DNAH7: variants seen among roughly 807,000 people sequenced by gnomAD.
DNAH7 encodes the protein dynein axonemal heavy chain 7, also known as axonemal beta dynein heavy chain 7.
Under a neutral mutation model 444.6 loss-of-function variants are expected in DNAH7, and 397 were observed. That is an observed-to-expected ratio of 0.89 (90% CI 0.82 to 0.97). The LOEUF (loss-of-function observed/expected upper bound fraction) is 0.97. Among genes scored for constraint, DNAH7 ranks in the 50% least tolerant of loss-of-function variants. The pLI, the probability that DNAH7 is intolerant of heterozygous loss-of-function variation, is 0.00. For synonymous variants in DNAH7, 1,636 were observed against 1,624.4 expected (o/e 1.01, Z -0.17); for missense variants, 4,902 against 4,800.8 (o/e 1.02, Z -0.62).
chr2:195,959,192 A>G (rs1690906153), intron 18 of DNAH7, among the ~76,000 whole-genome samples: 1 of 152,196 alleles, frequency 6.6e-6, no homozygotes, highest in African/African-American at 2.4e-5. Context: ...AAACAAAGAA[A>G]TGTTAATGAG....
intron 27 of DNAH7, chr2:195,901,289 A>G (rs1294787921): frequency 2.0e-5 from 3 of 152,170 alleles, no homozygotes; most frequent in Non-Finnish European, 2.9e-5. Flanking sequence ...ATGTTTGTCA[A>G]TCATACTTCA....
intron 58 of DNAH7, among the ~76,000 whole-genome samples, chr2:195,785,064 A>G (rs1695551596): frequency 6.6e-6 from 1 of 152,044 alleles, no homozygotes; most frequent in Non-Finnish European, 1.5e-5. Context: ...GGCTTCTGCC[A>G]TCACGCCCGG....
At chr2:196,001,438 C>T (rs1694029439) in intron 11 of DNAH7, among the ~76,000 whole-genome samples, 2 of 151,494 alleles carry the variant, frequency 1.3e-5, no homozygotes, top group African/African-American at 4.9e-5. Flanking sequence ...AATCTTGGCT[C>T]GCTGCAGCCT....
chr2:195,746,310 T>C (rs1188002144), intron 63 of DNAH7, among the ~76,000 whole-genome samples: 3 of 152,084 alleles, frequency 2.0e-5, no homozygotes, highest in Admixed American at 1.3e-4. Flanking sequence ...ATCCTAAATA[T>C]ATATGCACCC....
intron 63 of DNAH7, among the ~76,000 whole-genome samples, chr2:195,753,994 C>G (rs1693941150): frequency 6.6e-6 from 1 of 152,186 alleles, no homozygotes; most frequent in African/African-American, 2.4e-5. Flanking sequence ...ATCCTATATG[C>G]TGTTAATTTG....
intron 1 of DNAH7, among the ~76,000 whole-genome samples, chr2:196,060,592 T>C (rs1446231862): frequency 6.6e-6 from 1 of 152,204 alleles, no homozygotes; most frequent in Non-Finnish European, 1.5e-5. Context: ...TCCCTATTAT[T>C]TTCACTAGTA....
chr2:196,007,414 T>G (rs1694443243), intron 10 of DNAH7, among the ~76,000 whole-genome samples: 1 of 152,190 alleles, frequency 6.6e-6, no homozygotes, highest in South Asian at 2.1e-4. Context: ...ATGTATAAGT[T>G]AAAATGAATT....
intron 54 of DNAH7, among the ~76,000 whole-genome samples, chr2:195,802,145 C>A (rs1696491873): frequency 6.6e-6 from 1 of 152,136 alleles, no homozygotes; most frequent in Admixed American, 6.5e-5. Context: ...AATTAATTCA[C>A]CTACACATAA....
At chr2:195,909,753 C>T (rs1687246504) in intron 25 of DNAH7, among the ~76,000 whole-genome samples, 1 of 152,156 alleles carries the variant, frequency 6.6e-6, no homozygotes, top group Non-Finnish European at 1.5e-5. Context: ...CGTTCTCAAA[C>T]TCTTATCTGC....
chr2:195,756,312 A>C (rs372890943), intron 61 of DNAH7, 27 bp from the exon 62 acceptor site: 7 of 1,572,538 alleles, frequency 4.5e-6, no homozygotes, highest in Non-Finnish European at 6.1e-6. Flanking sequence ...CTTGGTTAAT[A>C]TAATAGTATA....
intron 47 of DNAH7, among the ~76,000 whole-genome samples, chr2:195,842,636 T>A (rs751095760): frequency 2.0e-5 from 3 of 152,166 alleles, no homozygotes; most frequent in Non-Finnish European, 4.4e-5. Flanking sequence ...AACTTTCTGC[T>A]AATATTTCAA....
chr2:196,017,126 G>C (rs148286487), intron 9 of DNAH7, among the ~76,000 whole-genome samples: 2,304 of 151,678 alleles, frequency 0.015, 54 homozygotes, highest in African/African-American at 0.052. Context: ...GTTATTTTCC[G>C]GCCTCAGCCT....
chr2:195,928,736 T>C (rs908262841), intron 21 of DNAH7, among the ~76,000 whole-genome samples: 2 of 15,548 alleles, frequency 1.3e-4, no homozygotes, highest in Non-Finnish European at 5.9e-4. Flanking sequence ...ATTAAAGCCA[T>C]ATTTAACAGA....
intron 35 of DNAH7, among the ~76,000 whole-genome samples, chr2:195,883,370 C>G (rs920668897): frequency 6.6e-6 from 1 of 151,862 alleles, no homozygotes; most frequent in African/African-American, 2.4e-5. Flanking sequence ...ATGGCGTGAA[C>G]CTGGGAGGCG....
At chr2:195,915,522 C>T (rs1356197797) in intron 24 of DNAH7, among the ~76,000 whole-genome samples, 2 of 152,242 alleles carry the variant, frequency 1.3e-5, no homozygotes, top group Non-Finnish European at 2.9e-5. Context: ...TAGGATGGTG[C>T]TATTAGAGCC....
At chr2:195,882,600 G>A (rs1701453254) in intron 35 of DNAH7, among the ~76,000 whole-genome samples, 1 of 152,188 alleles carries the variant, frequency 6.6e-6, no homozygotes, top group Non-Finnish European at 1.5e-5. Flanking sequence ...TTATTATTAT[G>A]AGTTAACATT....
rs149970431 is a variant in DNAH7, at chr2:195,771,387, G to T, written c.11433+273C>A. Among the ~76,000 whole-genome samples the T allele has an allele frequency of 1.3e-4, 20 of 151,936 alleles. No individual in the cohort carries two copies. The East Asian group carries it at 3.9e-3, about 30-fold the overall frequency. On this transcript the variant is annotated intron_variant, in intron 61 of 64. Transcript: ENST00000312428. ...GAAAAAATGTGCTTTATGAAGGCAA[G>T]GGCTCATTCCTTACCACACTGTGTC...
intron 59 of DNAH7, among the ~76,000 whole-genome samples, chr2:195,777,349 C>T (rs966704202): frequency 6.6e-6 from 1 of 152,142 alleles, no homozygotes; most frequent in Non-Finnish European, 1.5e-5. Flanking sequence ...CTGTAATGAA[C>T]CTGCTTTCTC....
rs368478133 is a variant in DNAH7, at chr2:195,970,091, G to C, written c.2062C>G (p.Arg688Gly). The change falls in exon 17 of 65, where the codon CGG becomes GGG. Residue 688 changes from arginine to glycine, a missense_variant. Arg to Gly is a moderately radical substitution (Grantham distance 125). Coordinates refer to ENST00000312428, the MANE Select transcript of DNAH7 (RefSeq NM_018897.3). ...IEQYQEGLKL[R>G]CERFVEELES... ...AATTCCTCCACAAACCGTTCACACCGTAACTAATAAAAACAATTTGTTGTT... is the reference window on the plus strand; with the variant it reads ...AATTCCTCCACAAACCGTTCACACCCTAACTAATAAAAACAATTTGTTGTT... 2.5e-6 allele frequency: 4 copies of C among 1,591,796 alleles called. No homozygotes were observed. Among genetic ancestry groups the C allele is most frequent in the Non-Finnish European group, 3.4e-6 (4 of 1,173,188 alleles).
Sources: gnomAD v4.1 joint callset for allele counts (sites outside exome capture counted in the v4.1 genomes callset) on GRCh38, gnomAD v4.1.1 for gene constraint, MANE v1.5 for transcripts, NCBI Gene and HGNC (gene_info 2026-07-23, HGNC 2026-07-21) for gene names.